KLB: variants seen among roughly 807,000 people sequenced by gnomAD.
KLB encodes the protein beta-klotho.
In KLB, 44 loss-of-function variants were observed where a neutral mutation model predicts 88.4. The observed-to-expected ratio is 0.50, with a 90% CI of 0.39 to 0.64. The LOEUF (loss-of-function observed/expected upper bound fraction) is 0.64. Ranked by LOEUF, KLB falls within the 30% of genes least tolerant of loss-of-function variation. KLB has a pLI of 0.00. For synonymous variants in KLB, 548 were observed against 513.4 expected (o/e 1.07, Z -0.91); for missense variants, 1,137 against 1,304.8 (o/e 0.87, Z 1.98).
intron 1 of KLB, among the ~76,000 whole-genome samples, chr4:39,428,915 C>T (rs1743278966): frequency 1.3e-5 from 2 of 152,108 alleles, no homozygotes; most frequent in African/African-American, 4.8e-5. Flanking sequence ...ACCATGTTGG[C>T]CAGGCTGGTC....
chr4:39,435,225 C>T (rs1578210680), intron 2 of KLB, among the ~76,000 whole-genome samples: 3 of 152,130 alleles, frequency 2.0e-5, no homozygotes, highest in Non-Finnish European at 1.5e-5. Flanking sequence ...TCAAGCAATT[C>T]TCCTGCTTCA....
At chr4:39,415,120 C>G (rs1470757290) in intron 1 of KLB, among the ~76,000 whole-genome samples, 2 of 151,948 alleles carry the variant, frequency 1.3e-5, no homozygotes, top group Non-Finnish European at 2.9e-5. Flanking sequence ...ACCATGTTGG[C>G]CAGGCTGGTC....
chr4:39,413,122 G>T (rs1025225351), intron 1 of KLB, among the ~76,000 whole-genome samples: 1 of 152,032 alleles, frequency 6.6e-6, no homozygotes, highest in Admixed American at 6.6e-5. Flanking sequence ...TTTCTTCCTC[G>T]GGTTGTGTCA....
At chr4:39,432,900 CAG>C (rs1015299791) in intron 1 of KLB, among the ~76,000 whole-genome samples, 3 of 149,100 alleles carry the variant, frequency 2.0e-5, no homozygotes, top group African/African-American at 7.4e-5. Flanking sequence ...TTTTTTGAGA[CAG>C]AGTTTTGTTC....
chr4:39,412,458 G>A (rs1011356538), intron 1 of KLB, among the ~76,000 whole-genome samples: 12 of 152,034 alleles, frequency 7.9e-5, no homozygotes, highest in African/African-American at 2.9e-4. Context: ...ACAGTTCCCA[G>A]CCTCCTTCCT....
intron 1 of KLB, among the ~76,000 whole-genome samples, chr4:39,427,383 T>C (rs1464610277): frequency 6.7e-6 from 1 of 150,096 alleles, no homozygotes; most frequent in Non-Finnish European, 1.5e-5. Flanking sequence ...CTCAGGAGGC[T>C]GAGGCAGAAG....
Position 39,447,488 on chromosome 4 carries a change from C to T in KLB, c.2749+13C>T. ...GAGGTGCTGAAAGGTAAGGGCGGGG[C>T]CCCTTCAGACACAGGGCAGAGCGAG... On this transcript the variant is annotated intron_variant, in intron 4 of 4. Coordinates refer to ENST00000257408, the MANE Select transcript of KLB (RefSeq NM_175737.4). 1.3e-6 allele frequency: 2 copies of T among 1,540,102 alleles called. No individual in the cohort carries two copies. Among genetic ancestry groups the T allele is most frequent in the South Asian group, 1.3e-5 (1 of 79,990 alleles).
rs1001144886 is a variant in KLB, at chr4:39,407,193, C to A, written c.244C>A (p.Pro82Thr). Residue 82 changes from proline (P) to threonine (T), a missense_variant, in exon 1 of 5, where the codon CCT (proline) becomes ACT (threonine). Pro to Thr is a conservative substitution (Grantham distance 38). Transcript: ENST00000257408. ...ESQLFLYDTF[P>T]KNFFWGIGTG... Reference sequence around the variant, plus strand: ...TCAGCTGTTTCTCTATGACACTTTCCCTAAAAACTTTTTCTGGGGTATTGG... The same window carrying A: ...TCAGCTGTTTCTCTATGACACTTTCACTAAAAACTTTTTCTGGGGTATTGG... 2 of 1,613,930 alleles carry A rather than the reference C, an allele frequency of 1.2e-6. No individual in the cohort carries two copies. Among genetic ancestry groups the A allele is most frequent in the African/African-American group, 2.7e-5 (2 of 74,862 alleles).
intron 1 of KLB, among the ~76,000 whole-genome samples, chr4:39,431,637 T>C (rs898804983): frequency 6.6e-6 from 1 of 152,184 alleles, no homozygotes; most frequent in Non-Finnish European, 1.5e-5. Flanking sequence ...TAAGGACAAG[T>C]GGACAGAGGT....
chr4:39,448,325 T>C lies in KLB; in HGVS notation c.2774T>C (p.Ile925Thr). 1 of 1,603,490 alleles carries C rather than the reference T, an allele frequency of 6.2e-7. No homozygotes were observed. The highest frequency in any genetic ancestry group is 8.5e-7 in the Non-Finnish European group (1 of 1,173,316). Residue 925 changes from isoleucine (I) to threonine (T), a missense_variant, in exon 5 of 5, where the codon ATC becomes ACC. Coordinates refer to ENST00000257408, the MANE Select transcript of KLB (RefSeq NM_175737.4). ...LKAYLIDKVRIKGYYAFKLAE... is the reference protein window; with the variant it reads ...LKAYLIDKVRTKGYYAFKLAE... Reference sequence around the variant, plus strand: ...GCATACCTGATTGATAAAGTCAGAATCAAAGGCTATTATGCATTCAAACTG... The same window carrying C: ...GCATACCTGATTGATAAAGTCAGAACCAAAGGCTATTATGCATTCAAACTG...
intron 1 of KLB, among the ~76,000 whole-genome samples, chr4:39,417,096 A>T (rs1423444959): frequency 1.1e-4 from 2 of 18,576 alleles, no homozygotes; most frequent in African/African-American, 1.7e-4. Flanking sequence ...CTTTAATTGA[A>T]AAAAAGGATT....
At chr4:39,432,308 A>G (rs1334317257) in intron 1 of KLB, among the ~76,000 whole-genome samples, 1 of 152,068 alleles carries the variant, frequency 6.6e-6, no homozygotes, top group Non-Finnish European at 1.5e-5. Context: ...AACAACTCAA[A>G]TAATGGAGAA....
Position 39,446,815 on chromosome 4 carries a change from C to G in KLB, c.2089C>G (p.Leu697Val). 1 of 1,613,084 alleles carries G rather than the reference C, an allele frequency of 6.2e-7. No homozygotes were observed. The highest frequency in any genetic ancestry group is 8.5e-7 in the Non-Finnish European group (1 of 1,179,924). Residue 697 changes from leucine (L) to valine (V), a missense_variant, in exon 4 of 5, where the codon CTA (leucine) becomes GTA (valine). Leu to Val is a conservative substitution (Grantham distance 32). Coordinates refer to ENST00000257408, the MANE Select transcript of KLB (RefSeq NM_175737.4). This position sits in a 1 kb window ranked among gnomAD's most constrained non-coding sequence, Gnocchi z 6.4. ...GATCACCATCAACGAGCCTAACCGG[C>G]TAAGTGACATCTACAACCGCTCTGG... The part of the protein sequence containing the change: ...LWITINEPNR[L>V]SDIYNRSGND...
chr4:39,442,754 C>T (rs1189105574), intron 3 of KLB, among the ~76,000 whole-genome samples: 1 of 152,158 alleles, frequency 6.6e-6, no homozygotes, highest in Non-Finnish European at 1.5e-5. Context: ...GTTTTATAAA[C>T]TTTTGATAAA....
chr4:39,410,408 T>C (rs1742813316), intron 1 of KLB, among the ~76,000 whole-genome samples: 1 of 152,232 alleles, frequency 6.6e-6, no homozygotes, highest in Non-Finnish European at 1.5e-5. Flanking sequence ...TTTCAACTAT[T>C]GTGTTTTCCA....
chr4:39,407,321 G>A lies in KLB; in HGVS notation c.372G>A (p.Thr124=), dbSNP rs753653959. The A allele has an allele frequency of 1.3e-5, 21 of 1,614,138 alleles. No homozygotes were observed. The highest frequency in any genetic ancestry group is 3.3e-5 in the South Asian group (3 of 91,080). ...CACACCTTAAAAATGTCAGCAGCAC[G>A]AATGGTTCCAGTGACAGTTATATTT... The part of the protein sequence containing the change: ...IHTHLKNVSS[T]NGSSDSYIFL... The change falls in exon 1 of 5, where the codon ACG becomes ACA. Residue 124 remains threonine (T), a synonymous_variant. Transcript: ENST00000257408.
chr4:39,409,248 A>C (rs1288895840), intron 1 of KLB, among the ~76,000 whole-genome samples: 5 of 152,038 alleles, frequency 3.3e-5, no homozygotes, highest in Non-Finnish European at 5.9e-5. Flanking sequence ...AAGATTATGC[A>C]TACAAAAGTT....
rs1322752602 is a variant in KLB, at chr4:39,427,474, C to T, written c.826-6736C>T. Among the ~76,000 whole-genome samples the T allele has an allele frequency of 2.9e-5, 3 of 102,966 alleles. No individual in the cohort carries two copies. The Admixed American group carries it at 3.5e-4, about 12-fold the overall frequency. 67.5% of individuals were successfully genotyped at this position (102,966 alleles called of 152,430 possible). ...CTCCAGCCTGGGTGACAGAGGGAGA[C>T]TCTGTCTCAAAAAAAAAAAAAAAAA... On this transcript the variant is annotated intron_variant, in intron 1 of 4. Coordinates refer to ENST00000257408, the MANE Select transcript of KLB (RefSeq NM_175737.4).
rs1743514510 is a variant in KLB at position 39,437,884 on chromosome 4, C to T, written c.1494C>T (p.Tyr498=). 1 of 1,614,210 alleles carries T rather than the reference C, an allele frequency of 6.2e-7. No homozygotes were observed. Among genetic ancestry groups the T allele is most frequent in the Non-Finnish European group, 8.5e-7 (1 of 1,180,024 alleles). ...KERKPKSSAH[Y]YKQIIRENGF... ...GGAAACCTAAGTCTTCAGCACACTA[C>T]TACAAACAGATCATACGAGAAAATG... The change falls in exon 3 of 5, where the codon TAC becomes TAT. Residue 498 remains tyrosine (Y), a synonymous_variant. Transcript: ENST00000257408.
Sources: gnomAD v4.1 joint callset for allele counts (sites outside exome capture counted in the v4.1 genomes callset) on GRCh38, gnomAD v4.1.1 for gene constraint, Gnocchi (gnomAD v3.1) non-coding constraint, MANE v1.5 for transcripts, NCBI Gene and HGNC (gene_info 2026-07-23, HGNC 2026-07-21) for gene names.